The following CMTM8 variants were observed in gnomAD, a reference collection of about 807,000 sequenced individuals.
CMTM8 encodes the protein CKLF-like MARVEL transmembrane domain-containing protein 8.
CMTM8 carries 12 observed loss-of-function variants against 18.6 expected under a neutral mutation model. The ratio of observed to expected loss-of-function variants is 0.65; its 90% CI spans 0.41 to 1.05. The LOEUF is 1.05. Among genes scored for constraint, CMTM8 ranks in the 50% least tolerant of loss-of-function variants. The pLI, the probability that CMTM8 is intolerant of heterozygous loss-of-function variation, is 0.00. For synonymous variants in CMTM8, 87 were observed against 90.6 expected (o/e 0.96, Z 0.23); for missense variants, 217 against 227.2 (o/e 0.95, Z 0.29).
chr3:32,307,417 T>C (rs1330009650), intron 1 of CMTM8, among the ~76,000 whole-genome samples: 2 of 152,140 alleles, frequency 1.3e-5, no homozygotes, highest in African/African-American at 4.8e-5. Context: ...CTAGGATGAC[T>C]TCCTGGTTTC....
Position 32,238,836 on chromosome 3 carries a change from G to T in CMTM8, c.-137G>T. ...CGCGCCTGGACAGCCCCCGGCGGGC[G>T]CCCCCCTCGCACCTCCTGCCCCGCG... On this transcript the variant is annotated 5_prime_UTR_variant, in exon 1 of 4. Transcript: ENST00000307526. The T allele has an allele frequency of 1.3e-5, 8 of 607,488 alleles. No homozygotes were observed. Among genetic ancestry groups the T allele is most frequent in the Non-Finnish European group, 1.9e-5 (8 of 423,100 alleles). 37.6% of individuals were successfully genotyped at this position (607,488 alleles called of 1,614,324 possible).
Position 32,358,823 on chromosome 3 carries a change from G to C in CMTM8, c.321+1277G>C, listed in dbSNP as rs1352261328. Among the ~76,000 whole-genome samples, 1 of 152,182 alleles carries C rather than the reference G, an allele frequency of 6.6e-6. No individual in the cohort carries two copies. Among genetic ancestry groups the C allele is most frequent in the African/African-American group, 2.4e-5 (1 of 41,442 alleles). ...TGGTGGAAACAGCCTTGTTAGAATTGGTGTTTTGCTGCCTCAGATGGGCAT... is the reference window on the plus strand; with the variant it reads ...TGGTGGAAACAGCCTTGTTAGAATTCGTGTTTTGCTGCCTCAGATGGGCAT... On this transcript the variant is annotated intron_variant, in intron 2 of 3. Transcript: ENST00000307526. The surrounding 1 kb of genome is among the most constrained non-coding windows in gnomAD (Gnocchi z 4.1).
intron 1 of CMTM8, among the ~76,000 whole-genome samples, chr3:32,279,327 C>G (rs1185983170): frequency 1.9e-5 from 2 of 103,178 alleles, no homozygotes; most frequent in East Asian, 7.0e-4. Context: ...ATCCCTCCCC[C>G]CTCCCCCGAC....
chr3:32,324,123 G>T (rs1696111453), intron 1 of CMTM8, among the ~76,000 whole-genome samples: 1 of 152,146 alleles, frequency 6.6e-6, no homozygotes, highest in Non-Finnish European at 1.5e-5. Context: ...TTGTTTTTCT[G>T]TTTGAACCCC....
At chr3:32,353,925 C>T (rs1696761942) in intron 1 of CMTM8, among the ~76,000 whole-genome samples, 2 of 151,780 alleles carry the variant, frequency 1.3e-5, no homozygotes, top group African/African-American at 4.8e-5. Context: ...GCTGGGACTA[C>T]AGGCAGGTAC....
At chr3:32,295,671 T>C (rs1015833124) in intron 1 of CMTM8, among the ~76,000 whole-genome samples, 2 of 152,002 alleles carry the variant, frequency 1.3e-5, no homozygotes, top group African/African-American at 4.8e-5. Context: ...TCATGGAACC[T>C]CTTCAGAGCC....
intron 1 of CMTM8, among the ~76,000 whole-genome samples, chr3:32,265,534 A>G (rs1443068212): frequency 6.6e-6 from 1 of 152,174 alleles, no homozygotes; most frequent in African/African-American, 2.4e-5. Flanking sequence ...TAACATCACA[A>G]TTAAAAGAAC....
At chr3:32,361,505 G>A (rs1559390223) in intron 2 of CMTM8, among the ~76,000 whole-genome samples, 1 of 152,024 alleles carries the variant, frequency 6.6e-6, no homozygotes, top group Non-Finnish European at 1.5e-5. Flanking sequence ...TTTGAATTTA[G>A]TCTTGCTTTT....
At position 32,369,915 on chromosome 3, in the gene CMTM8, C is replaced by T. The variant is rs749969072; in HGVS notation, c.470C>T (p.Ala157Val). ...GCCTTCCTGGTCACCATCTGCTACG[C>T]TGGAAATACATATTTCAGTTTTATA... The part of the protein sequence containing the change: ...FFAFLVTICY[A>V]GNTYFSFIAW... Residue 157 changes from alanine (A) to valine (V), a missense_variant, in exon 4 of 4, where the codon GCT becomes GTT. Transcript: ENST00000307526. 1.9e-6 allele frequency: 3 copies of T among 1,609,292 alleles called. No individual in the cohort carries two copies.
intron 1 of CMTM8, among the ~76,000 whole-genome samples, chr3:32,320,118 T>C (rs1424955275): frequency 6.6e-6 from 1 of 152,240 alleles, no homozygotes; most frequent in Non-Finnish European, 1.5e-5. Context: ...CTTGTGCATT[T>C]GAAAGCGTAT....
At chr3:32,313,754 T>C (rs1177584766) in intron 1 of CMTM8, among the ~76,000 whole-genome samples, 1 of 152,214 alleles carries the variant, frequency 6.6e-6, no homozygotes, top group East Asian at 1.9e-4. Flanking sequence ...AAAGCACTGC[T>C]TTAAAAGACC....
At chr3:32,250,074 C>T (rs1702093177) in intron 1 of CMTM8, among the ~76,000 whole-genome samples, 3 of 152,098 alleles carry the variant, frequency 2.0e-5, no homozygotes, top group South Asian at 2.1e-4. Flanking sequence ...AAGGGTTTAA[C>T]CTCAATCTTT....
At position 32,238,763 on chromosome 3, in the gene CMTM8, C is replaced by G. The variant is rs1447695436; in HGVS notation, c.-210C>G. The G allele has an allele frequency of 6.6e-6, 2 of 304,838 alleles. No individual in the cohort carries two copies. Among genetic ancestry groups the G allele is most frequent in the African/African-American group, 4.4e-5 (2 of 45,150 alleles). 18.9% of individuals were successfully genotyped at this position (304,838 alleles called of 1,614,324 possible). Reference sequence around the variant, plus strand: ...CTAGGGCCCCAGCGCAGCTCGGGAGCCCGCGCACCGAGGCGCTAGGGGCAC... The same window carrying G: ...CTAGGGCCCCAGCGCAGCTCGGGAGGCCGCGCACCGAGGCGCTAGGGGCAC... On this transcript the variant is annotated 5_prime_UTR_variant, in exon 1 of 4. Coordinates refer to ENST00000307526, the MANE Select transcript of CMTM8 (RefSeq NM_178868.5).
chr3:32,362,480 CTG>C (rs1295212513), intron 2 of CMTM8, among the ~76,000 whole-genome samples: 2 of 152,174 alleles, frequency 1.3e-5, no homozygotes, highest in African/African-American at 4.8e-5. Context: ...GATGAAGAAA[CTG>C]GGGCACTGAG....
chr3:32,326,766 T>C (rs1056816450), intron 1 of CMTM8, among the ~76,000 whole-genome samples: 12 of 152,170 alleles, frequency 7.9e-5, no homozygotes, highest in African/African-American at 2.7e-4. Context: ...TCCACCTACC[T>C]TGGCCTCCCA....
chr3:32,291,732 T>TC (rs771362927), intron 1 of CMTM8, among the ~76,000 whole-genome samples: 117 of 152,166 alleles, frequency 7.7e-4, no homozygotes, highest in African/African-American at 1.1e-3. Context: ...ATTGCCTTTT[T>TC]CCCACTAGAA....
chr3:32,260,874 T>C (rs1373433751), intron 1 of CMTM8, among the ~76,000 whole-genome samples: 2 of 152,172 alleles, frequency 1.3e-5, no homozygotes, highest in Admixed American at 1.3e-4. Context: ...TTTCTTTGTC[T>C]CAGGTTATGT....
intron 1 of CMTM8, among the ~76,000 whole-genome samples, chr3:32,271,724 T>C (rs1350914624): frequency 2.0e-5 from 3 of 152,218 alleles, no homozygotes; most frequent in African/African-American, 7.2e-5. Flanking sequence ...CTTCTGTTTG[T>C]TTGGAAGCTA....
At chr3:32,252,680 T>C (rs1702128070) in intron 1 of CMTM8, among the ~76,000 whole-genome samples, 1 of 152,256 alleles carries the variant, frequency 6.6e-6, no homozygotes, top group Non-Finnish European at 1.5e-5. Flanking sequence ...ATAAGAAAGC[T>C]GTTAATTTTT....
Sources: allele counts gnomAD v4.1 joint callset (sites outside exome capture counted in the v4.1 genomes callset), GRCh38; gene constraint gnomAD v4.1.1; non-coding constraint Gnocchi (gnomAD v3.1); transcripts MANE v1.5; gene names NCBI Gene and HGNC (gene_info 2026-07-23, HGNC 2026-07-21).